The following WDR59 variants were observed in gnomAD, a reference collection of about 807,000 sequenced individuals.
WDR59 encodes GATOR2 complex protein WDR59.
Under a neutral mutation model 131.2 loss-of-function variants are expected in WDR59, and 100 were observed. The observed-to-expected ratio is 0.76, with a 90% CI of 0.65 to 0.90. The LOEUF is 0.90. Ranked by LOEUF, WDR59 falls within the 40% of genes least tolerant of loss-of-function variation. The probability of loss-of-function intolerance (pLI) is 0.00; values close to 1 mark genes in which losing one functional copy is unlikely to be tolerated. For synonymous variants in WDR59, 601 were observed against 466.2 expected (o/e 1.29, Z -3.72); for missense variants, 1,203 against 1,262.2 (o/e 0.95, Z 0.71).
Position 74,936,510 on chromosome 16 carries a change from G to A in WDR59, c.651+1640C>T, listed in dbSNP as rs543056912. On this transcript the variant is annotated intron_variant, in intron 8 of 25. Transcript: ENST00000262144. ...TCTGGTTCCTGAACTTGGGAGACAAGCTGATTGGGGTACAGGGACAGAAAC... is the reference window on the plus strand; with the variant it reads ...TCTGGTTCCTGAACTTGGGAGACAAACTGATTGGGGTACAGGGACAGAAAC... Among the ~76,000 whole-genome samples the A allele has an allele frequency of 2.0e-5, 3 of 152,018 alleles. No homozygotes were observed. In the East Asian group the frequency reaches 5.8e-4, roughly 30 times the overall value.
At chr16:74,953,658 A>G (rs2033127716) in intron 3 of WDR59, among the ~76,000 whole-genome samples, 1 of 152,198 alleles carries the variant, frequency 6.6e-6, no homozygotes, top group Non-Finnish European at 1.5e-5. Flanking sequence ...GAATATATAA[A>G]GAACTCCTAC....
In WDR59 at chr16:74,873,989, C is replaced by T. The variant is rs1964081184; in HGVS notation, c.*220G>A. The T allele has an allele frequency of 1.8e-6, 1 of 570,280 alleles. No individual in the cohort carries two copies. The highest frequency in any genetic ancestry group is 1.9e-5 in the African/African-American group (1 of 53,330). 35.3% of individuals were successfully genotyped at this position (570,280 alleles called of 1,614,324 possible). On this transcript the variant is annotated 3_prime_UTR_variant, in exon 26 of 26. Coordinates refer to ENST00000262144, the MANE Select transcript of WDR59 (RefSeq NM_030581.4). ...ACAACACACAAAGCGCAGCTCTGCA[C>T]TTCTGTCCTTATCTTCACACAGTGA...
intron 20 of WDR59, 61 bp from the exon 21 acceptor site, chr16:74,889,876 A>G: frequency 7.7e-7 from 1 of 1,304,654 alleles, no homozygotes; most frequent in East Asian, 2.3e-5. Flanking sequence ...GAAACCATGA[A>G]GCAATCCCAC....
In WDR59 at chr16:74,871,562, G is replaced by A. The variant is rs546096984; in HGVS notation, c.*2647C>T. On this transcript the variant is annotated 3_prime_UTR_variant, in exon 26 of 26. Coordinates refer to ENST00000262144, the MANE Select transcript of WDR59 (RefSeq NM_030581.4). ...ACTCGAAATTTCTTCACACCATTAAGGTTTTTCAATTTTGAAAGTCAATGT... is the reference window on the plus strand; with the variant it reads ...ACTCGAAATTTCTTCACACCATTAAAGTTTTTCAATTTTGAAAGTCAATGT... 1 of 152,114 alleles carries A rather than the reference G, an allele frequency of 6.6e-6. No homozygotes were observed. The highest frequency in any genetic ancestry group is 1.5e-5 in the Non-Finnish European group (1 of 68,038). 9.4% of individuals were successfully genotyped at this position (152,114 alleles called of 1,614,324 possible).
chr16:74,911,052 T>G (rs1966057650), intron 14 of WDR59, among the ~76,000 whole-genome samples: 2 of 152,042 alleles, frequency 1.3e-5, no homozygotes. Flanking sequence ...TTAGTAGACA[T>G]GGGGTTTCAC....
chr16:74,953,361 TAC>T (rs1356140663), intron 3 of WDR59, among the ~76,000 whole-genome samples: 1 of 151,360 alleles, frequency 6.6e-6, no homozygotes, highest in Non-Finnish European at 1.5e-5. Flanking sequence ...TAGTCCCAGC[TAC>T]TTGAGAGGCT....
intron 1 of WDR59, among the ~76,000 whole-genome samples, chr16:74,968,623 A>T (rs1402682900): frequency 6.6e-6 from 1 of 152,020 alleles, no homozygotes; most frequent in African/African-American, 2.4e-5. Flanking sequence ...CAGGAGGCTG[A>T]GGTAGGAGGA....
In WDR59 at chr16:74,983,243, C is replaced by T. The variant is rs368821274; in HGVS notation, c.54+1721G>A. ...ATCCCAGCACTTTAGGAGGCCAAGG[C>T]AGATGGATCACTTGAGGCCAGGAGT... On this transcript the variant is annotated intron_variant, in intron 1 of 25. Coordinates refer to ENST00000262144, the MANE Select transcript of WDR59 (RefSeq NM_030581.4). Among the ~76,000 whole-genome samples the T allele has an allele frequency of 1.5e-4, 23 of 152,056 alleles. 3 individuals are homozygous for T. The highest frequency in any genetic ancestry group is 1.0e-3 in the South Asian group (5 of 4,806).
chr16:74,909,985 TG>T, intron 14 of WDR59, 68 bp from the exon 15 acceptor site: 1 of 1,278,048 alleles, frequency 7.8e-7, no homozygotes, highest in Non-Finnish European at 1.1e-6. Context: ...TTTTTTTTTT[TG>T]AGACAAAGTC....
At chr16:74,943,128 A>G (rs1029527921) in intron 6 of WDR59, among the ~76,000 whole-genome samples, 8 of 152,184 alleles carry the variant, frequency 5.3e-5, no homozygotes, top group African/African-American at 1.7e-4. Context: ...GTAGTTGAGC[A>G]TGGCACTGCT....
rs960450693 is a variant in WDR59 at position 74,956,547 on chromosome 16, G to A, written c.168C>T (p.Arg56=). Residue 56 remains arginine, a synonymous_variant, in exon 3 of 26, where the codon CGC becomes CGT. Coordinates refer to ENST00000262144, the MANE Select transcript of WDR59 (RefSeq NM_030581.4). ...APFEGHRKIS[R]QSKWDIGAVQ... ...CAGCTCCAATGTCCCATTTGCTCTGGCGAGAGATCTTTCGGTGACCTTCGA... is the reference window on the plus strand; with the variant it reads ...CAGCTCCAATGTCCCATTTGCTCTGACGAGAGATCTTTCGGTGACCTTCGA... 1.7e-5 allele frequency: 27 copies of A among 1,614,068 alleles called. No individual in the cohort carries two copies. The highest frequency in any genetic ancestry group is 3.3e-5 in the Admixed American group (2 of 59,984).
intron 1 of WDR59, among the ~76,000 whole-genome samples, chr16:74,974,924 T>C (rs2034126122): frequency 6.6e-6 from 1 of 152,218 alleles, no homozygotes; most frequent in African/African-American, 2.4e-5. Flanking sequence ...ATTTGCCTTT[T>C]CCCTTTGATT....
Position 74,961,088 on chromosome 16 carries a change from T to C in WDR59, c.105-4478A>G, listed in dbSNP as rs368807468. Among the ~76,000 whole-genome samples, 37 of 152,038 alleles carry C rather than the reference T, an allele frequency of 2.4e-4. No homozygotes were observed. The East Asian group carries it at 5.0e-3, about 21-fold the overall frequency. ...GGGGGGCCAAGGCAGGAGGATCAAC[T>C]TGAGCCCAGGAGTTCAAGATCAGCC... On this transcript the variant is annotated intron_variant, in intron 2 of 25. Transcript: ENST00000262144.
At chr16:74,972,216 T>C (rs146220079) in intron 1 of WDR59, among the ~76,000 whole-genome samples, 11 of 152,168 alleles carry the variant, frequency 7.2e-5, no homozygotes, top group Non-Finnish European at 8.8e-5. Context: ...GAAATGAGAA[T>C]TGATGGTGAT....
In WDR59 at chr16:74,979,623, C is replaced by T. The variant is rs189749686; in HGVS notation, c.54+5341G>A. On this transcript the variant is annotated intron_variant, in intron 1 of 25. Transcript: ENST00000262144. ...TGGCACGATCTAGGCTCACTGCAAC[C>T]TCCACCTCCTGGGTTCAAGCGATTC... Among the ~76,000 whole-genome samples, 16 of 151,822 alleles carry T rather than the reference C, an allele frequency of 1.1e-4. No homozygotes were observed. The East Asian group carries it at 2.9e-3, about 28-fold the overall frequency.
chr16:74,953,111 A>T (rs2033096457), intron 3 of WDR59, among the ~76,000 whole-genome samples: 1 of 152,150 alleles, frequency 6.6e-6, no homozygotes, highest in South Asian at 2.1e-4. Context: ...GGGGCCTCTC[A>T]AGATAAAAGA....
rs558759944 is a variant in WDR59, at chr16:74,906,847, G to GA, written c.1712+2060dup. ...TGTCCTCTGGGTGCTGAAGGGCGGG[G>GA]AAAAGGGACTGGGAACCTTTGTGGG... On this transcript the variant is annotated intron_variant, in intron 17 of 25. Coordinates refer to ENST00000262144, the MANE Select transcript of WDR59 (RefSeq NM_030581.4). 2.0e-3 allele frequency among the ~76,000 whole-genome samples: 306 copies of GA among 152,328 alleles called. 2 individuals carry two copies. Among genetic ancestry groups the GA allele is most frequent in the Non-Finnish European group, 2.8e-3 (191 of 68,022 alleles).
intron 6 of WDR59, among the ~76,000 whole-genome samples, chr16:74,945,879 C>A (rs996065053): frequency 6.8e-6 from 1 of 146,630 alleles, no homozygotes; most frequent in Non-Finnish European, 1.5e-5. Flanking sequence ...AGTGCAATGG[C>A]GTGATCTCGC....
rs1172622632 is a variant in WDR59, at chr16:74,872,597, A to G, written c.*1612T>C. 4 of 152,120 alleles carry G rather than the reference A, an allele frequency of 2.6e-5. No individual in the cohort carries two copies. In the East Asian group the frequency reaches 7.7e-4, roughly 29 times the overall value. The allele number at this position is 152,120 out of a possible 1,614,324, so 9.4% of individuals were successfully genotyped here. A position where few individuals can be genotyped will look rare whatever the true frequency, so the allele number is the denominator to read the frequency against. On this transcript the variant is annotated 3_prime_UTR_variant, in exon 26 of 26. Coordinates refer to ENST00000262144, the MANE Select transcript of WDR59 (RefSeq NM_030581.4). The stretch of plus-strand genomic sequence containing the variant: ...AAAAAAAAAAAAATTTAACTTTAAA[A>G]AAGAAAATCATTCTGAAGAATTGGT...
Sources: allele counts gnomAD v4.1 joint callset (sites outside exome capture counted in the v4.1 genomes callset), GRCh38; gene constraint gnomAD v4.1.1; transcripts MANE v1.5; gene names NCBI Gene and HGNC (gene_info 2026-07-23, HGNC 2026-07-21).